The following DLGAP2 variants were observed in gnomAD, a reference collection of about 807,000 sequenced individuals.
The protein encoded by DLGAP2 is DLG associated protein 2, also known as disks large-associated protein 2.
DLGAP2 carries 26 observed loss-of-function variants against 100.3 expected under a neutral mutation model. The ratio of observed to expected loss-of-function variants is 0.26; its 90% CI spans 0.19 to 0.36. The LOEUF is 0.36. Ranked by LOEUF, DLGAP2 falls within the 10% of genes least tolerant of loss-of-function variation. DLGAP2 has a pLI of 1.00. For missense variants in DLGAP2, 1,858 were observed against 1,453.2 expected (o/e 1.28, Z -4.53); for synonymous variants, 886 against 630.1 (o/e 1.41, Z -6.08).
intron 1 of DLGAP2, among the ~76,000 whole-genome samples, chr8:870,761 T>A (rs1797582181): frequency 1.3e-5 from 2 of 152,136 alleles, no homozygotes; most frequent in South Asian, 4.2e-4. Flanking sequence ...GCTGTGGGTC[T>A]CCGCATGTCT....
At chr8:1,548,567 G>T (rs1029340723) in intron 4 of DLGAP2, 59 bp from the exon 5 acceptor site, 6 of 1,331,578 alleles carry the variant, frequency 4.5e-6, no homozygotes. Context: ...CATATTCCCC[G>T]CACCTGAGGG....
intron 3 of DLGAP2, among the ~76,000 whole-genome samples, chr8:1,416,880 G>T (rs1255828548): frequency 6.6e-6 from 1 of 152,144 alleles, no homozygotes; most frequent in African/African-American, 2.4e-5. Flanking sequence ...CCTAAAACCT[G>T]TTCGTGTGAA....
At chr8:893,815 C>G (rs1798085345) in intron 1 of DLGAP2, among the ~76,000 whole-genome samples, 1 of 152,244 alleles carries the variant, frequency 6.6e-6, no homozygotes, top group Non-Finnish European at 1.5e-5. Context: ...CCTGACAGAA[C>G]GAGACCCCCT....
At chr8:1,611,122 T>C (rs985156387) in intron 6 of DLGAP2, among the ~76,000 whole-genome samples, 1 of 142,150 alleles carries the variant, frequency 7.0e-6, no homozygotes, top group Non-Finnish European at 1.5e-5. Context: ...TTGATGAACA[T>C]CGATGCAAAA....
At chr8:985,059 A>C (rs1431189630) in intron 2 of DLGAP2, among the ~76,000 whole-genome samples, 1 of 152,228 alleles carries the variant, frequency 6.6e-6, no homozygotes, top group Non-Finnish European at 1.5e-5. Context: ...AATATTTATA[A>C]AGAGCCTCAG....
In DLGAP2 at chr8:1,570,121, G is replaced by C. The variant is rs573767088; in HGVS notation, c.1442+4227G>C. On this transcript the variant is annotated intron_variant, in intron 6 of 14. Transcript: ENST00000637795. ...TAGTGAGTGTGGACAAAATTCTCTTGAAAGATTTTAACAGTGGAGATGTCA... is the reference window on the plus strand; with the variant it reads ...TAGTGAGTGTGGACAAAATTCTCTTCAAAGATTTTAACAGTGGAGATGTCA... Among the ~76,000 whole-genome samples, 12 of 152,364 alleles carry C rather than the reference G, an allele frequency of 7.9e-5. 1 individual carries two copies. In the South Asian group the frequency reaches 2.5e-3, roughly 32 times the overall value.
At chr8:1,670,328 C>T (rs1279358446) in intron 10 of DLGAP2, among the ~76,000 whole-genome samples, 2 of 152,228 alleles carry the variant, frequency 1.3e-5, no homozygotes, top group Admixed American at 1.3e-4. Flanking sequence ...CAGCCAGGAC[C>T]CCACACCCCT....
intron 3 of DLGAP2, among the ~76,000 whole-genome samples, chr8:1,463,108 G>C (rs1156864026): frequency 6.6e-6 from 1 of 152,136 alleles, no homozygotes; most frequent in Non-Finnish European, 1.5e-5. Flanking sequence ...AATTAGCCTG[G>C]CGTGGTGGTG....
chr8:1,038,890 C>A (rs1802211435), intron 2 of DLGAP2, among the ~76,000 whole-genome samples: 1 of 152,136 alleles, frequency 6.6e-6, no homozygotes, highest in African/African-American at 2.4e-5. Flanking sequence ...CATATTACAT[C>A]AACTATTTGT....
chr8:1,476,299 C>T (rs191370261), intron 3 of DLGAP2, among the ~76,000 whole-genome samples: 1 of 152,296 alleles, frequency 6.6e-6, no homozygotes, highest in African/African-American at 2.4e-5. Context: ...GTCTTATTTA[C>T]ACATACATCT....
At chr8:1,259,264 C>T (rs1272289446) in intron 3 of DLGAP2, among the ~76,000 whole-genome samples, 7 of 152,282 alleles carry the variant, frequency 4.6e-5, no homozygotes, top group East Asian at 1.9e-4. Context: ...AAGCCCTTCC[C>T]GACTGTCGGT....
At chr8:781,190 A>G (rs927078214) in intron 1 of DLGAP2, among the ~76,000 whole-genome samples, 2 of 152,200 alleles carry the variant, frequency 1.3e-5, no homozygotes, top group African/African-American at 2.4e-5. Flanking sequence ...TATTGTTAGT[A>G]AGGACTATAT....
At chr8:1,063,948 G>T (rs1462963959) in intron 2 of DLGAP2, among the ~76,000 whole-genome samples, 3 of 152,130 alleles carry the variant, frequency 2.0e-5, no homozygotes, top group Non-Finnish European at 1.5e-5. Context: ...ACAAGTGCTG[G>T]CCTCCGCAGC....
In DLGAP2 at chr8:1,179,308, C is replaced by G. The variant is rs773219326; in HGVS notation, c.74-79543C>G. 3.3e-5 allele frequency among the ~76,000 whole-genome samples: 5 copies of G among 152,364 alleles called. No individual in the cohort carries two copies. In the South Asian group the frequency reaches 1.0e-3, roughly 32 times the overall value. On this transcript the variant is annotated intron_variant, in intron 2 of 14. Transcript: ENST00000637795. ...ACTCAGCTCTCTCATTCCCCCACCC[C>G]CCATTTTCGCCTGTGCCAAGGTGGC...
rs1799761811 is a variant in DLGAP2, at chr8:1,708,399, G to A, written c.*6993G>A. The stretch of plus-strand genomic sequence containing the variant: ...TAAGAAGTAATGGACATTTATTAAG[G>A]TTACAGATTTAATATGTATGCAAAA... On this transcript the variant is annotated 3_prime_UTR_variant, in exon 15 of 15. Transcript: ENST00000637795. The A allele has an allele frequency of 2.0e-5, 3 of 152,084 alleles. No individual in the cohort carries two copies. The highest frequency in any genetic ancestry group is 4.8e-5 in the African/African-American group (2 of 41,410). 9.4% of individuals were successfully genotyped at this position (152,084 alleles called of 1,614,324 possible).
At chr8:821,488 A>G (rs78156299) in intron 1 of DLGAP2, among the ~76,000 whole-genome samples, 8,105 of 152,308 alleles carry the variant, frequency 0.053, 380 homozygotes, top group African/African-American at 0.12. Context: ...TTAGTATGCC[A>G]TGGAAAAAAT....
chr8:848,355 C>T lies in DLGAP2; in HGVS notation c.19-59557C>T, dbSNP rs142250248. The stretch of plus-strand genomic sequence containing the variant: ...GTGCGTGTTCCAGTATAGGAACGTG[C>T]GGTGCCTGTTCCAGTGTAGGGTCGT... On this transcript the variant is annotated intron_variant, in intron 1 of 14. Coordinates refer to ENST00000637795, the MANE Select transcript of DLGAP2 (RefSeq NM_001346810.2). 2.6e-3 allele frequency among the ~76,000 whole-genome samples: 317 copies of T among 121,124 alleles called. 2 individuals carry two copies. The highest frequency in any genetic ancestry group is 8.9e-3 in the African/African-American group (302 of 34,012). The allele number at this position is 121,124 out of a possible 152,430, so 79.5% of individuals were successfully genotyped here. A position where few individuals can be genotyped will look rare whatever the true frequency, so the allele number is the denominator to read the frequency against.
chr8:1,601,308 G>T (rs2130703071), intron 6 of DLGAP2, among the ~76,000 whole-genome samples: 1 of 152,296 alleles, frequency 6.6e-6, no homozygotes, highest in East Asian at 1.9e-4. Context: ...TGTGTCTGTT[G>T]ATCCCTGCTG....
intron 1 of DLGAP2, among the ~76,000 whole-genome samples, chr8:764,374 C>G (rs1029727492): frequency 6.6e-6 from 1 of 152,192 alleles, no homozygotes; most frequent in East Asian, 1.9e-4. Context: ...ATGAACTACT[C>G]CATCCATCCG....
Sources: allele counts gnomAD v4.1 joint callset (sites outside exome capture counted in the v4.1 genomes callset), GRCh38; gene constraint gnomAD v4.1.1; transcripts MANE v1.5; gene names NCBI Gene and HGNC (gene_info 2026-07-23, HGNC 2026-07-21).